Variants in MIA3 observed in about 807,000 individuals in gnomAD.
The protein encoded by MIA3 is transport and Golgi organization protein 1 homolog.
Under a neutral mutation model 192.4 loss-of-function variants are expected in MIA3, and 90 were observed. The observed-to-expected ratio is 0.47, with a 90% confidence interval of 0.39 to 0.56. The LOEUF (loss-of-function observed/expected upper bound fraction) is 0.56, where lower values mean the gene tolerates loss of function less well. Ranked by LOEUF, MIA3 falls within the 20% of genes least tolerant of loss-of-function variation. The probability of loss-of-function intolerance (pLI) is 0.00; values close to 1 mark genes in which losing one functional copy is unlikely to be tolerated. For synonymous variants in MIA3, 740 were observed against 792.8 expected, an observed-to-expected ratio of 0.93 and a Z score of 1.12; for missense variants, 2,123 against 2,269.4, an observed-to-expected ratio of 0.94 and a Z score of 1.31.
intron 26 of MIA3, 186 bp downstream of exon 26, chr1:222,662,518 C>T (rs1664070471): frequency 7.2e-7 from 1 of 1,396,198 alleles, no homozygotes; most frequent in South Asian, 1.5e-5. Context: ...TTTGGCTGAG[C>T]GTCCAGTAGC....
chr1:222,665,538 G>C lies in MIA3; in HGVS notation c.5643G>C (p.Pro1881=). 1 of 1,614,030 alleles carries C rather than the reference G, an allele frequency of 6.2e-7. No homozygotes were observed. The highest frequency in any genetic ancestry group is 8.5e-7 in the Non-Finnish European group (1 of 1,179,990). ...PPPPAVRDLL[P]SGSRDEPPPA... is the part of the protein sequence containing the mutation. ...CACCTGCTGTAAGAGACTTACTGCC[G>C]TCAGGCTCTAGAGATGAGCCTCCAC... The change falls in exon 28 of 28, where the codon CCG becomes CCC. Residue 1881 remains proline, a synonymous_variant. Transcript: ENST00000344922.
At chr1:222,623,276 T>C (rs1409653803) in intron 2 of MIA3, among the ~76,000 whole-genome samples, 1 of 152,006 alleles carries the variant, frequency 6.6e-6, no homozygotes, top group Non-Finnish European at 1.5e-5. Flanking sequence ...CTATGTTTTT[T>C]TTTTTGTTTT....
Position 222,645,769 on chromosome 1 carries a change from A to C in MIA3, c.3609+84A>C, listed in dbSNP as rs1170808740. On this transcript the variant is annotated intron_variant, in intron 7 of 27. Coordinates refer to ENST00000344922, the MANE Select transcript of MIA3 (RefSeq NM_198551.4). Reference sequence around the variant, plus strand: ...TCCTTTTGTTTCTTTTTCAGTTTCTAATATGAACAGAAATTAATGCTTTTA... The same window carrying C: ...TCCTTTTGTTTCTTTTTCAGTTTCTCATATGAACAGAAATTAATGCTTTTA... The C allele has an allele frequency of 9.0e-6, 11 of 1,216,330 alleles. No individual in the cohort carries two copies. In the Admixed American group the frequency reaches 2.1e-4, roughly 24 times the overall value. The allele number at this position is 1,216,330 out of a possible 1,614,324, so 75.3% of individuals were successfully genotyped here.
intron 18 of MIA3, among the ~76,000 whole-genome samples, chr1:222,656,136 AT>A (rs930051990): frequency 8.6e-5 from 13 of 150,728 alleles, no homozygotes. Context: ...TGCCCGGCTA[AT>A]TTTTTTTGTA....
chr1:222,628,985 A>T lies in MIA3; in HGVS notation c.1765A>T (p.Asn589Tyr), dbSNP rs61738963. The change falls in exon 4 of 28, where the codon AAC (asparagine) becomes TAC (tyrosine). Residue 589 changes from asparagine (N) to tyrosine (Y), a missense_variant. Physicochemically the swap from Asn to Tyr is moderately radical, Grantham distance 143 (BLOSUM62 -2). Around this residue, in one of 3 missense-constraint regions of MIA3, gnomAD observed 1,357 missense variants for 1,396.1 expected, o/e 0.97. Transcript: ENST00000344922. The stretch of plus-strand genomic sequence containing the variant: ...ACCACTCATGGGAGATGACCACCCT[A>T]ACGCATCCAGAGACAGTGTGGAGGG... The part of the protein sequence containing the change: ...SAPLMGDDHP[N>Y]ASRDSVEGDA... 2.8e-4 allele frequency: 457 copies of T among 1,614,204 alleles called. 1 individual carries two copies. In the African/African-American group the frequency reaches 5.4e-3, roughly 19 times the overall value.
At chr1:222,647,920 TATTA>T (rs755843404) in intron 7 of MIA3, 19 of 385,968 alleles carry the variant, frequency 4.9e-5, no homozygotes, top group East Asian at 1.5e-4. Flanking sequence ...GTATACAGTA[TATTA>T]ATTATTGTAT....
chr1:222,620,633 C>A (rs1661812868), intron 1 of MIA3, among the ~76,000 whole-genome samples: 1 of 152,222 alleles, frequency 6.6e-6, no homozygotes, highest in African/African-American at 2.4e-5. Context: ...CTACATAGTA[C>A]TGGTTACAGT....
rs1435998176 is a variant in MIA3 at position 222,666,898 on chromosome 1, A to G, written c.*1279A>G. The stretch of plus-strand genomic sequence containing the variant: ...AACGAACTTCAGACATTTTAATTAC[A>G]GTAATAATAGCACTCCTTTTAAGGA... On this transcript the variant is annotated 3_prime_UTR_variant, in exon 28 of 28. Coordinates refer to ENST00000344922, the MANE Select transcript of MIA3 (RefSeq NM_198551.4). 6.6e-6 allele frequency: 1 copy of G among 152,326 alleles called. No homozygotes were observed. The highest frequency in any genetic ancestry group is 2.1e-4 in the South Asian group (1 of 4,834). 9.4% of individuals were successfully genotyped at this position (152,326 alleles called of 1,614,324 possible). A position where few individuals can be genotyped will look rare whatever the true frequency, so the allele number is the denominator to read the frequency against.
At chr1:222,665,280 AT>A (rs1204029364) in intron 27 of MIA3, 28 bp from the exon 28 acceptor site, 5 of 1,516,454 alleles carry the variant, frequency 3.3e-6, no homozygotes, top group Non-Finnish European at 3.6e-6. Context: ...GTTCCTAGGA[AT>A]TTACTGGAAA....
chr1:222,636,395 C>A (rs1347834451), intron 6 of MIA3, among the ~76,000 whole-genome samples: 1 of 151,890 alleles, frequency 6.6e-6, no homozygotes, highest in Non-Finnish European at 1.5e-5. Context: ...TTATTCTTTG[C>A]CCATCCTCAA....
intron 5 of MIA3, 94 bp from the exon 6 acceptor site, chr1:222,633,010 C>A: frequency 7.9e-7 from 1 of 1,258,940 alleles, no homozygotes; most frequent in Non-Finnish European, 1.1e-6. Context: ...TTTCCAGGCA[C>A]AGTGCCTAAT....
Position 222,628,514 on chromosome 1 carries a change from A to G in MIA3, c.1294A>G (p.Thr432Ala), listed in dbSNP as rs760337591. 5.1e-5 allele frequency: 82 copies of G among 1,613,814 alleles called. No homozygotes were observed. The Admixed American group carries it at 5.7e-4, about 11-fold the overall frequency. ...DSKQGKPQSATDYSDPDNVDD... is the reference protein window; with the variant it reads ...DSKQGKPQSAADYSDPDNVDD... ...CAAACAGGGGAAACCACAGTCAGCA[A>G]CAGATTATAGTGACCCTGACAATGT... is the stretch of plus-strand genomic sequence containing the variant. The change falls in exon 4 of 28, where the codon ACA becomes GCA. Residue 432 changes from threonine to alanine, a missense_variant. By Grantham distance (58) the Thr-to-Ala change is moderately conservative. Coordinates refer to ENST00000344922, the MANE Select transcript of MIA3 (RefSeq NM_198551.4).
intron 6 of MIA3, among the ~76,000 whole-genome samples, chr1:222,645,080 G>A (rs1450611041): frequency 6.6e-6 from 1 of 152,108 alleles, no homozygotes; most frequent in African/African-American, 2.4e-5. Context: ...TATGTAAGTC[G>A]ATTTAAGATT....
At chr1:222,660,397 GA>G in intron 24 of MIA3, 83 bp downstream of exon 24, 2 of 1,442,520 alleles carry the variant, frequency 1.4e-6, no homozygotes, top group South Asian at 2.8e-5. Flanking sequence ...AAACACTTTA[GA>G]ATTCGGGTCT....
chr1:222,629,673 A>G lies in MIA3; in HGVS notation c.2453A>G (p.Asp818Gly), dbSNP rs1220359104. The G allele has an allele frequency of 1.2e-6, 2 of 1,614,114 alleles. No individual in the cohort carries two copies. Among genetic ancestry groups the G allele is most frequent in the East Asian group, 2.2e-5 (1 of 44,884 alleles). Residue 818 changes from aspartate to glycine, a missense_variant, in exon 4 of 28, where the codon GAT (aspartate) becomes GGT (glycine). This residue lies in a region of MIA3 where 1,357 missense variants were observed against 1,396.1 expected (regional missense o/e 0.97). Coordinates refer to ENST00000344922, the MANE Select transcript of MIA3 (RefSeq NM_198551.4). ...GTGGAAAAAGAACGCCCTCTGGCAG[A>G]TAAGAAAGCACAGAGACCATTTGAA... ...TMVEKERPLA[D>G]KKAQRPFERS...
chr1:222,625,297 G>A (rs578182753), intron 3 of MIA3, among the ~76,000 whole-genome samples: 105 of 152,292 alleles, frequency 6.9e-4, no homozygotes, highest in Non-Finnish European at 1.4e-3. Flanking sequence ...GAGCCACTGC[G>A]CCCGGCCAAG....
At chr1:222,623,021 C>T (rs894799321) in intron 2 of MIA3, among the ~76,000 whole-genome samples, 4 of 152,186 alleles carry the variant, frequency 2.6e-5, no homozygotes, top group Non-Finnish European at 4.4e-5. Context: ...TCTTAGCTCA[C>T]GTAAAGTGAA....
Position 222,633,140 on chromosome 1 carries a change from T to C in MIA3, c.3368T>C (p.Ile1123Thr), listed in dbSNP as rs1324181226. The stretch of plus-strand genomic sequence containing the variant: ...ACAGAAGACACTCCTATGGATGCTA[T>C]TGATGCAAACAAGCAACCAGAGACA... ...VTTEDTPMDA[I>T]DANKQPETAA... is the part of the protein sequence containing the mutation. Residue 1123 changes from isoleucine to threonine, a missense_variant, in exon 6 of 28, where the codon ATT becomes ACT. This residue lies in a region of MIA3 where 1,357 missense variants were observed against 1,396.1 expected (regional missense o/e 0.97). Coordinates refer to ENST00000344922, the MANE Select transcript of MIA3 (RefSeq NM_198551.4). The C allele has an allele frequency of 1.2e-6, 2 of 1,613,528 alleles. No homozygotes were observed. Among genetic ancestry groups the C allele is most frequent in the Non-Finnish European group, 1.7e-6 (2 of 1,179,906 alleles).
chr1:222,662,833 A>T (rs1212001168), intron 26 of MIA3: 2 of 161,886 alleles, frequency 1.2e-5, no homozygotes, highest in Non-Finnish European at 2.7e-5. Context: ...GCTATTTAAG[A>T]ATACCTACAG....
Sources: allele counts gnomAD v4.1 joint callset (sites outside exome capture counted in the v4.1 genomes callset), GRCh38; gene constraint gnomAD v4.1.1; regional missense constraint gnomAD v4.1.1; transcripts MANE v1.5; gene names NCBI Gene and HGNC (gene_info 2026-07-23, HGNC 2026-07-21).